Variants in CHRM2 observed in about 807,000 individuals in gnomAD.
The protein encoded by CHRM2 is muscarinic acetylcholine receptor M2.
Under a neutral mutation model 25.0 loss-of-function variants are expected in CHRM2, and 8 were observed. The ratio of observed to expected loss-of-function variants is 0.32; its 90% CI spans 0.19 to 0.58. The LOEUF (loss-of-function observed/expected upper bound fraction) is 0.58. CHRM2 is among the 20% of genes least tolerant of loss of function. The pLI is 0.88. For synonymous variants in CHRM2, 202 were observed against 205.7 expected (o/e 0.98, Z 0.15); for missense variants, 440 against 567.1 (o/e 0.78, Z 2.28).
chr7:136,881,499 TTTCTC>T (rs1049325703), intron 2 of CHRM2, among the ~76,000 whole-genome samples: 17 of 152,000 alleles, frequency 1.1e-4, no homozygotes, highest in African/African-American at 4.1e-4. Flanking sequence ...TGTTCTGTAT[TTTCTC>T]TAATCTTACA....
intron 2 of CHRM2, among the ~76,000 whole-genome samples, chr7:136,879,389 G>C (rs750816778): frequency 6.6e-6 from 1 of 151,884 alleles, no homozygotes; most frequent in Admixed American, 6.6e-5. Context: ...GGCCAAAGAG[G>C]CTAGATGTCC....
In CHRM2 at chr7:136,873,861, G is replaced by A. The variant is rs148952508; in HGVS notation, c.-125+4443G>A. ...TGCTGAGTAGGCTCTTAGTTGGCAC[G>A]TGCTTGTCTTGTTTAGTCAGTGATT... On this transcript the variant is annotated intron_variant, in intron 2 of 3. Coordinates refer to ENST00000680005, the MANE Select transcript of CHRM2 (RefSeq NM_001006630.2). Among the ~76,000 whole-genome samples, 947 of 152,310 alleles carry A rather than the reference G, an allele frequency of 6.2e-3. 5 individuals are homozygous for A. Among genetic ancestry groups the A allele is most frequent in the Middle Eastern group, 0.024 (7 of 294 alleles).
At chr7:136,941,081 C>A (rs1000036552) in intron 2 of CHRM2, among the ~76,000 whole-genome samples, 1 of 152,196 alleles carries the variant, frequency 6.6e-6, no homozygotes, top group African/African-American at 2.4e-5. Context: ...GGGTTTACTG[C>A]ATTAACCTCT....
At chr7:136,997,916 G>C (rs546196651) in intron 3 of CHRM2, among the ~76,000 whole-genome samples, 2 of 152,284 alleles carry the variant, frequency 1.3e-5, no homozygotes, top group African/African-American at 4.8e-5. Flanking sequence ...AATAAGCACA[G>C]GATGAAATCA....
chr7:136,877,607 T>C (rs1041453195), intron 2 of CHRM2, among the ~76,000 whole-genome samples: 2 of 152,034 alleles, frequency 1.3e-5, no homozygotes, highest in Non-Finnish European at 2.9e-5. Context: ...GTGGAGGAGT[T>C]AGAGAAAGTG....
At chr7:136,941,140 A>C (rs911661171) in intron 2 of CHRM2, among the ~76,000 whole-genome samples, 2 of 152,182 alleles carry the variant, frequency 1.3e-5, no homozygotes, top group African/African-American at 4.8e-5. Flanking sequence ...TTCATCCTGC[A>C]TCCTGTTATG....
At chr7:136,996,656 GAAAT>G (rs1237770349) in intron 3 of CHRM2, among the ~76,000 whole-genome samples, 2 of 152,052 alleles carry the variant, frequency 1.3e-5, no homozygotes, top group Non-Finnish European at 2.9e-5. Context: ...TAAAAAATTA[GAAAT>G]AAATTAAGTG....
In CHRM2 at chr7:137,014,822, T is replaced by C. The variant is rs1805062975; in HGVS notation, c.-44T>C. 2 of 1,504,458 alleles carry C rather than the reference T, an allele frequency of 1.3e-6. No individual in the cohort carries two copies. The highest frequency in any genetic ancestry group is 4.5e-5 in the East Asian group (2 of 44,026). The allele number at this position is 1,504,458 out of a possible 1,614,324, so 93.2% of individuals were successfully genotyped here. On this transcript the variant is annotated splice_region_variant and 5_prime_UTR_variant, in exon 4 of 4. Coordinates refer to ENST00000680005, the MANE Select transcript of CHRM2 (RefSeq NM_001006630.2). ...AATTTTATTCTATTTCCTTGCAGGT[T>C]TAAATGTTTATTTGCTACTTGGCTA...
At chr7:136,988,696 A>G (rs777875605) in intron 2 of CHRM2, among the ~76,000 whole-genome samples, 3 of 152,116 alleles carry the variant, frequency 2.0e-5, no homozygotes, top group Non-Finnish European at 2.9e-5. Flanking sequence ...TCCTGCAGCC[A>G]ATGCTTGCCT....
chr7:137,015,909 G>A lies in CHRM2; in HGVS notation c.1044G>A (p.Gly348=), dbSNP rs1057523853. Residue 348 remains glycine, a synonymous_variant, in exon 4 of 4, where the codon GGG becomes GGA. Coordinates refer to ENST00000680005, the MANE Select transcript of CHRM2 (RefSeq NM_001006630.2). This position sits in a 1 kb window ranked among gnomAD's most constrained non-coding sequence, Gnocchi z 5.1. ...TPTNTTVEVV[G]SSGQNGDEKQ... ...CTAATACCACCGTGGAGGTAGTGGG[G>A]TCTTCAGGTCAGAATGGAGATGAAA... is the stretch of plus-strand genomic sequence containing the variant. 1.2e-6 allele frequency: 2 copies of A among 1,613,160 alleles called. No homozygotes were observed. Among genetic ancestry groups the A allele is most frequent in the Non-Finnish European group, 1.7e-6 (2 of 1,179,474 alleles).
chr7:136,980,823 G>A (rs918280627), intron 2 of CHRM2, among the ~76,000 whole-genome samples: 10 of 152,228 alleles, frequency 6.6e-5, no homozygotes, highest in Admixed American at 5.9e-4. Context: ...GCTTTTTAAC[G>A]TGCTGCTGGA....
chr7:136,880,030 T>C (rs1408355843), intron 2 of CHRM2, among the ~76,000 whole-genome samples: 1 of 148,588 alleles, frequency 6.7e-6, no homozygotes, highest in Non-Finnish European at 1.5e-5. Flanking sequence ...GTTCCCGTGG[T>C]CCATTCCTCT....
chr7:136,969,143 A>G (rs1182940160), intron 2 of CHRM2, among the ~76,000 whole-genome samples: 4 of 152,156 alleles, frequency 2.6e-5, no homozygotes, highest in Non-Finnish European at 4.4e-5. Flanking sequence ...AGTTAAACAT[A>G]TCTTAAATAG....
chr7:136,944,518 CGT>C (rs559720412), intron 2 of CHRM2, among the ~76,000 whole-genome samples: 10 of 151,538 alleles, frequency 6.6e-5, no homozygotes, highest in African/African-American at 2.4e-4. Context: ...TACATATATA[CGT>C]GTGTGTGTAC....
chr7:137,005,861 AAAAAC>A (rs1804390666), intron 3 of CHRM2, among the ~76,000 whole-genome samples: 1 of 152,144 alleles, frequency 6.6e-6, no homozygotes, highest in African/African-American at 2.4e-5. Flanking sequence ...GACTTTAGGA[AAAAAC>A]AAAACAAAAT....
intron 3 of CHRM2, among the ~76,000 whole-genome samples, chr7:137,003,974 T>TTTCCTAAGGTCC (rs1584910818): frequency 6.6e-6 from 1 of 152,124 alleles, no homozygotes; most frequent in East Asian, 1.9e-4. Context: ...TGCTTGTAAG[T>TTTCCTAAGGTCC]TTCCTAAGGT....
At chr7:136,879,772 T>A (rs1364495) in intron 2 of CHRM2, among the ~76,000 whole-genome samples, 28,096 of 151,810 alleles carry the variant, frequency 0.19, 2,863 homozygotes, top group Non-Finnish European at 0.23. Flanking sequence ...GGAGATACCT[T>A]GGCTTCTATC....
chr7:136,905,428 C>T (rs1261974587), intron 2 of CHRM2, among the ~76,000 whole-genome samples: 1 of 151,414 alleles, frequency 6.6e-6, no homozygotes, highest in African/African-American at 2.4e-5. Flanking sequence ...GCATTTTTTG[C>T]ACCTATCATG....
At chr7:136,982,570 T>G (rs902309626) in intron 2 of CHRM2, among the ~76,000 whole-genome samples, 1 of 152,206 alleles carries the variant, frequency 6.6e-6, no homozygotes, top group Non-Finnish European at 1.5e-5. Flanking sequence ...GTTTTTGCAG[T>G]GGCTGGTACC....
Sources: allele counts gnomAD v4.1 joint callset (sites outside exome capture counted in the v4.1 genomes callset), GRCh38; gene constraint gnomAD v4.1.1; non-coding constraint Gnocchi (gnomAD v3.1); transcripts MANE v1.5; gene names NCBI Gene and HGNC (gene_info 2026-07-23, HGNC 2026-07-21).